AFF2: variants seen among roughly 807,000 people sequenced by gnomAD.
AFF2 encodes AF4/FMR2 family member 2.
Under a neutral mutation model 76.9 loss-of-function variants are expected in AFF2, and 14 were observed. That is an observed-to-expected ratio of 0.18 (90% CI 0.12 to 0.28). The LOEUF (loss-of-function observed/expected upper bound fraction) is 0.28. Among genes scored for constraint, AFF2 ranks in the 10% least tolerant of loss-of-function variants. The pLI, the probability that AFF2 is intolerant of heterozygous loss-of-function variation, is 1.00. For missense variants in AFF2, 868 were observed against 1,001.1 expected, an observed-to-expected ratio of 0.87 and a Z score of 1.79; for synonymous variants, 398 against 366.7, an observed-to-expected ratio of 1.09 and a Z score of -0.98.
In AFF2 at chrX:148,956,395, A is replaced by C. The variant is rs782078349; in HGVS notation, c.2350A>C (p.Met784Leu). The change falls in exon 11 of 21, where the codon ATG becomes CTG. Residue 784 changes from methionine (M) to leucine (L), a missense_variant. Coordinates refer to ENST00000370460, the MANE Select transcript of AFF2 (RefSeq NM_002025.4). Reference protein sequence around the residue: ...EEPTFSPIPVMQTEILSPLRD... With the variant: ...EEPTFSPIPVLQTEILSPLRD... ...GCCAACATTTTCACCTATTCCTGTC[A>C]TGCAAACTGAAATCCTGTCCCCTCT... is the stretch of plus-strand genomic sequence containing the variant. 8.3e-7 allele frequency: 1 copy of C among 1,211,447 alleles called. No homozygotes were observed. The highest frequency in any genetic ancestry group is 1.1e-6 in the Non-Finnish European group (1 of 895,267).
At chrX:148,914,980 C>T (rs981000387) in intron 9 of AFF2, among the ~76,000 whole-genome samples, 1 of 112,310 alleles carries the variant, frequency 8.9e-6, no homozygotes, top group African/African-American at 3.2e-5. Context: ...AGTCCTCTGT[C>T]GACCGCAGAA....
At chrX:148,608,559 T>C (rs1883247543) in intron 1 of AFF2, among the ~76,000 whole-genome samples, 1 of 109,573 alleles carries the variant, frequency 9.1e-6, no homozygotes, top group South Asian at 4.0e-4. Context: ...TCTGTCACCC[T>C]AGCTGGAGTG....
At chrX:148,522,886 T>A (rs1309193682) in intron 1 of AFF2, among the ~76,000 whole-genome samples, 1 of 112,792 alleles carries the variant, frequency 8.9e-6, no homozygotes, top group Non-Finnish European at 1.9e-5. Flanking sequence ...AGTATAAAGA[T>A]CTGCTCTACG....
In AFF2 at chrX:148,723,451, A is replaced by G. The variant is rs1215100185; in HGVS notation, c.1041+60683A>G. On this transcript the variant is annotated intron_variant, in intron 3 of 20. Transcript: ENST00000370460. The stretch of plus-strand genomic sequence containing the variant: ...TCACTTTTCTCCATTTTAAGTCACC[A>G]TTTCCCAAAGTTGAATTATTGAGAG... 2.7e-5 allele frequency among the ~76,000 whole-genome samples: 3 copies of G among 111,180 alleles called. No homozygotes were observed. The East Asian group carries it at 8.5e-4, about 32-fold the overall frequency.
At chrX:148,951,790 G>A (rs1202533107) in intron 9 of AFF2, among the ~76,000 whole-genome samples, 1 of 107,063 alleles carries the variant, frequency 9.3e-6, no homozygotes, top group East Asian at 2.8e-4. Context: ...AGGGAAATAG[G>A]AGCCCTGTTA....
chrX:148,923,586 TGATA>T (rs1557283461), intron 9 of AFF2, among the ~76,000 whole-genome samples: 1 of 109,609 alleles, frequency 9.1e-6, no homozygotes, highest in African/African-American at 3.4e-5. Flanking sequence ...AAAGTGTGTG[TGATA>T]GATAAAATAT....
intron 3 of AFF2, among the ~76,000 whole-genome samples, chrX:148,678,794 A>G (rs2054513180): frequency 8.9e-6 from 1 of 111,771 alleles, no homozygotes; most frequent in Non-Finnish European, 1.9e-5. Context: ...TGTCCCATAA[A>G]TATGTACATT....
intron 8 of AFF2, among the ~76,000 whole-genome samples, chrX:148,892,516 A>G (rs1413173612): frequency 9.0e-6 from 1 of 111,137 alleles, no homozygotes; most frequent in Non-Finnish European, 1.9e-5. Flanking sequence ...CTATTTGAGA[A>G]TTTCAAATGA....
At chrX:148,564,592 T>C (rs1569551338) in intron 1 of AFF2, among the ~76,000 whole-genome samples, 1 of 110,803 alleles carries the variant, frequency 9.0e-6, no homozygotes, top group Non-Finnish European at 1.9e-5. Flanking sequence ...CATTTTCCAT[T>C]CTTAATTGCT....
chrX:148,667,598 G>A (rs1464786483), intron 3 of AFF2, among the ~76,000 whole-genome samples: 1 of 111,900 alleles, frequency 8.9e-6, no homozygotes, highest in Non-Finnish European at 1.9e-5. Flanking sequence ...TGGAAGGTGA[G>A]AGGCATATCT....
intron 3 of AFF2, among the ~76,000 whole-genome samples, chrX:148,806,917 G>C (rs1249766111): frequency 8.9e-6 from 1 of 112,531 alleles, no homozygotes; most frequent in East Asian, 2.8e-4. Context: ...AAAAGCACTT[G>C]CGGTTCAAAT....
rs140255990 is a variant in AFF2, at chrX:148,668,476, G to A, written c.1041+5708G>A. On this transcript the variant is annotated intron_variant, in intron 3 of 20. Coordinates refer to ENST00000370460, the MANE Select transcript of AFF2 (RefSeq NM_002025.4). ...AGCAGAGGTTCTCCATGGGGGCCCC[G>A]CCTCTGCAGTGAACTTCTGCCTGGG... is the stretch of plus-strand genomic sequence containing the variant. Among the ~76,000 whole-genome samples, 224 of 112,550 alleles carry A rather than the reference G, an allele frequency of 2.0e-3. 2 individuals are homozygous for A. In the East Asian group the frequency reaches 0.022, roughly 11 times the overall value.
intron 12 of AFF2, among the ~76,000 whole-genome samples, chrX:148,960,989 G>A (rs1360414020): frequency 8.9e-6 from 1 of 112,094 alleles, no homozygotes; most frequent in Non-Finnish European, 1.9e-5. Flanking sequence ...TAAAGACCCC[G>A]TGGTTCCAGA....
chrX:148,708,997 GGAAT>G (rs1285604640), intron 3 of AFF2, among the ~76,000 whole-genome samples: 2 of 111,142 alleles, frequency 1.8e-5, no homozygotes, highest in African/African-American at 6.5e-5. Flanking sequence ...TTAACCTGAC[GGAAT>G]GACTGATCTC....
intron 3 of AFF2, among the ~76,000 whole-genome samples, chrX:148,750,756 A>T (rs1337064380): frequency 8.9e-6 from 1 of 112,224 alleles, no homozygotes; most frequent in Non-Finnish European, 1.9e-5. Context: ...TCTTGCAAAG[A>T]TTAAAAAAAT....
chrX:148,536,657 T>C (rs2052789147), intron 1 of AFF2, among the ~76,000 whole-genome samples: 1 of 112,440 alleles, frequency 8.9e-6, no homozygotes, highest in African/African-American at 3.2e-5. Context: ...ACATTAACTA[T>C]TATCAAGCTT....
intron 1 of AFF2, among the ~76,000 whole-genome samples, chrX:148,580,155 A>C (rs2124343792): frequency 9.0e-6 from 1 of 111,704 alleles, no homozygotes; most frequent in Non-Finnish European, 1.9e-5. Context: ...TACTTGTCCA[A>C]GTAGTGCTGC....
chrX:148,655,576 A>G (rs1296900004), intron 2 of AFF2, among the ~76,000 whole-genome samples: 16 of 111,872 alleles, frequency 1.4e-4, no homozygotes, highest in African/African-American at 5.2e-4. Context: ...CGCCTGGCCA[A>G]AACCTTTGTT....
In AFF2 at chrX:148,564,761, C is replaced by T. The variant is rs189303287; in HGVS notation, c.47+63617C>T. On this transcript the variant is annotated intron_variant, in intron 1 of 20. Transcript: ENST00000370460. ...CTTCCCCAGGCTGAATTCATACCTT[C>T]CTCCATGTTTCCTCTGCTTTGTATT... Among the ~76,000 whole-genome samples the T allele has an allele frequency of 4.1e-3, 458 of 111,956 alleles. 3 individuals carry two copies. The highest frequency in any genetic ancestry group is 0.014 in the African/African-American group (421 of 30,866).
Sources: gnomAD v4.1 joint callset for allele counts (sites outside exome capture counted in the v4.1 genomes callset) on GRCh38, gnomAD v4.1.1 for gene constraint, MANE v1.5 for transcripts, NCBI Gene and HGNC (gene_info 2026-07-23, HGNC 2026-07-21) for gene names.